Variants in KLHL8 observed in about 807,000 individuals in gnomAD.
The protein encoded by KLHL8 is kelch like family member 8.
A neutral mutation model predicts 63.5 loss-of-function variants in KLHL8; 38 were observed. The observed-to-expected ratio is 0.60, with a 90% CI of 0.46 to 0.78. The LOEUF (loss-of-function observed/expected upper bound fraction) is 0.78, where lower values mean the gene tolerates loss of function less well. Ranked by LOEUF, KLHL8 falls within the 30% of genes least tolerant of loss-of-function variation. The pLI, the probability that KLHL8 is intolerant of heterozygous loss-of-function variation, is 0.00. For synonymous variants in KLHL8, 224 were observed against 254.3 expected (o/e 0.88, Z 1.13); for missense variants, 566 against 752.4 (o/e 0.75, Z 2.90).
chr4:87,167,356 C>T, intron 8 of KLHL8: 1 of 434,780 alleles, frequency 2.3e-6, no homozygotes, highest in Non-Finnish European at 4.4e-6. Flanking sequence ...TTATAAAGAG[C>T]CATCTACAGA....
At chr4:87,223,066 C>T (rs1449371835), upstream of KLHL8, among the ~76,000 whole-genome samples, 3 of 152,016 alleles carry the variant, frequency 2.0e-5, no homozygotes, top group Non-Finnish European at 4.4e-5. Flanking sequence ...AGGTGATTCT[C>T]CCACCTCCCG....
At chr4:87,211,684 T>C (rs916368283) in intron 1 of KLHL8, among the ~76,000 whole-genome samples, 1 of 152,042 alleles carries the variant, frequency 6.6e-6, no homozygotes, top group Non-Finnish European at 1.5e-5. Flanking sequence ...CCCAGCTACT[T>C]GAGCCTGGGA....
At chr4:87,215,187 A>G (rs1361885401) in intron 1 of KLHL8, among the ~76,000 whole-genome samples, 2 of 152,220 alleles carry the variant, frequency 1.3e-5, no homozygotes, top group Non-Finnish European at 2.9e-5. Flanking sequence ...TTTTTGCTGA[A>G]ATTATTCCCT....
intron 4 of KLHL8, among the ~76,000 whole-genome samples, chr4:87,182,932 A>T (rs1264076385): frequency 6.6e-6 from 1 of 152,236 alleles, no homozygotes; most frequent in Non-Finnish European, 1.5e-5. Context: ...TAGTAAACCA[A>T]GTTCAGAATC....
Position 87,183,391 on chromosome 4 carries a change from T to G in KLHL8, c.766-2A>C. Reference sequence around the variant, plus strand: ...AACCGGCAACAATGGCAGGCGAACCTAAGATCATGAATAGTTGCAATACAA... The same window carrying G: ...AACCGGCAACAATGGCAGGCGAACCGAAGATCATGAATAGTTGCAATACAA... On this transcript the variant is annotated splice_acceptor_variant, in intron 3 of 9. Transcript: ENST00000273963. LOFTEE classifies it high-confidence loss of function. 6.2e-7 allele frequency: 1 copy of G among 1,600,298 alleles called. No individual in the cohort carries two copies. Among genetic ancestry groups the G allele is most frequent in the African/African-American group, 1.3e-5 (1 of 74,792 alleles).
chr4:87,183,527 A>G lies in KLHL8; in HGVS notation c.766-138T>C, dbSNP rs568617427. On this transcript the variant is annotated intron_variant, in intron 3 of 9. Coordinates refer to ENST00000273963, the MANE Select transcript of KLHL8 (RefSeq NM_020803.5). Reference sequence around the variant, plus strand: ...TACTGCAGCATGTTCTCTTTTTAAAACTTAAGTTGTTACTTCATGAAATGT... The same window carrying G: ...TACTGCAGCATGTTCTCTTTTTAAAGCTTAAGTTGTTACTTCATGAAATGT... 5.8e-6 allele frequency: 4 copies of G among 693,258 alleles called. No individual in the cohort carries two copies. The East Asian group carries it at 1.1e-4, about 19-fold the overall frequency. The allele number at this position is 693,258 out of a possible 1,614,324, so 42.9% of individuals were successfully genotyped here.
intron 1 of KLHL8, among the ~76,000 whole-genome samples, chr4:87,210,551 G>A (rs1732366448): frequency 6.6e-6 from 1 of 152,156 alleles, no homozygotes; most frequent in Non-Finnish European, 1.5e-5. Context: ...GGATACAAAA[G>A]ATTATATTTT....
chr4:87,223,446 A>C (rs1732920082), upstream of KLHL8, among the ~76,000 whole-genome samples: 1 of 152,224 alleles, frequency 6.6e-6, no homozygotes, highest in Non-Finnish European at 1.5e-5. Context: ...TTATCGAAGA[A>C]CATTTTTTGA....
intron 4 of KLHL8, among the ~76,000 whole-genome samples, chr4:87,180,862 G>C (rs1477702580): frequency 6.6e-6 from 1 of 151,958 alleles, no homozygotes; most frequent in Non-Finnish European, 1.5e-5. Flanking sequence ...GGGCAATATA[G>C]TGAGACCCAA....
rs187984619 is a variant in KLHL8 at position 87,168,054 on chromosome 4, T to C, written c.1537+2025A>G. On this transcript the variant is annotated intron_variant, in intron 8 of 9. Transcript: ENST00000273963. ...TTACCCCACACCCCGCCCCCCGCCT[T>C]ACCTTTATGGTTAAAGGGGGAAGAT... is the stretch of plus-strand genomic sequence containing the variant. Among the ~76,000 whole-genome samples, 7 of 152,328 alleles carry C rather than the reference T, an allele frequency of 4.6e-5. No homozygotes were observed. The East Asian group carries it at 1.4e-3, about 29-fold the overall frequency.
At position 87,185,740 on chromosome 4, in the gene KLHL8, A is replaced by G. The variant is rs889632186; in HGVS notation, c.276T>C (p.Phe92=). 8 of 1,613,486 alleles carry G rather than the reference A, an allele frequency of 5.0e-6. No homozygotes were observed. The highest frequency in any genetic ancestry group is 2.7e-5 in the African/African-American group (2 of 74,908). Residue 92 remains phenylalanine (F), a synonymous_variant, in exon 3 of 10, where the codon TTT becomes TTC. Coordinates refer to ENST00000273963, the MANE Select transcript of KLHL8 (RefSeq NM_020803.5). ...KLVLACVIPY[F]RAMFLSEMAE... is the part of the protein sequence containing the mutation. ...CCATTTCAGAAAGAAACATGGCTCTAAAGTAGGGAATAACACAAGCCAATA... is the reference window on the plus strand; with the variant it reads ...CCATTTCAGAAAGAAACATGGCTCTGAAGTAGGGAATAACACAAGCCAATA...
chr4:87,165,470 T>G (rs1730361059), intron 8 of KLHL8, among the ~76,000 whole-genome samples: 1 of 152,116 alleles, frequency 6.6e-6, no homozygotes, highest in Non-Finnish European at 1.5e-5. Flanking sequence ...CACAGCTCAC[T>G]GCACTCTCAA....
At chr4:87,163,708 G>C in intron 9 of KLHL8, 66 bp from the exon 10 acceptor site, 5 of 1,594,920 alleles carry the variant, frequency 3.1e-6, no homozygotes, top group Non-Finnish European at 4.3e-6. Flanking sequence ...ACTAACCAAA[G>C]ACAAAAATTC....
chr4:87,210,058 A>G (rs191159985), intron 1 of KLHL8, among the ~76,000 whole-genome samples: 29 of 152,068 alleles, frequency 1.9e-4, no homozygotes, highest in Non-Finnish European at 4.0e-4. Flanking sequence ...GGGTTTTGCC[A>G]TGTTTCCCAG....
chr4:87,164,933 G>A (rs923026456), intron 8 of KLHL8, among the ~76,000 whole-genome samples: 2 of 151,970 alleles, frequency 1.3e-5, no homozygotes, highest in Non-Finnish European at 2.9e-5. Flanking sequence ...CCGATCACGA[G>A]GTCAGGAGAT....
rs1730180921 is a variant in KLHL8 at position 87,161,656 on chromosome 4, G to A, written c.*1863C>T. 1 of 152,118 alleles carries A rather than the reference G, an allele frequency of 6.6e-6. No homozygotes were observed. The highest frequency in any genetic ancestry group is 2.4e-5 in the African/African-American group (1 of 41,408). 9.4% of individuals were successfully genotyped at this position (152,118 alleles called of 1,614,324 possible). On this transcript the variant is annotated 3_prime_UTR_variant, in exon 10 of 10. Transcript: ENST00000273963. ...TAGCTAAACAAACACTGTAATATAA[G>A]AACTCCATTAGACATAAGAAATAGA...
intron 1 of KLHL8, among the ~76,000 whole-genome samples, chr4:87,200,666 A>G (rs1251378942): frequency 1.3e-5 from 2 of 152,294 alleles, no homozygotes; most frequent in East Asian, 3.9e-4. Flanking sequence ...GAGAAACTGG[A>G]AACCCTTTCC....
upstream of KLHL8, among the ~76,000 whole-genome samples, chr4:87,224,093 G>A (rs1225260885): frequency 1.3e-5 from 2 of 151,152 alleles, no homozygotes; most frequent in African/African-American, 2.4e-5. Context: ...ATGGAGTCTC[G>A]CCTTGTTACC....
chr4:87,207,191 C>T (rs575129581), intron 1 of KLHL8: 21 of 571,508 alleles, frequency 3.7e-5, no homozygotes, highest in Non-Finnish European at 5.7e-5. Context: ...CATCAATGAC[C>T]GCTTCATTGA....
Sources: gnomAD v4.1 joint callset for allele counts (sites outside exome capture counted in the v4.1 genomes callset) on GRCh38, gnomAD v4.1.1 for gene constraint, MANE v1.5 for transcripts, NCBI Gene and HGNC (gene_info 2026-07-23, HGNC 2026-07-21) for gene names.